Variants in GABBR2 observed in about 807,000 individuals in gnomAD.
The protein encoded by GABBR2 is G-protein coupled receptor 51.
GABBR2 carries 23 observed loss-of-function variants against 105.6 expected under a neutral mutation model. The observed-to-expected ratio is 0.22, with a 90% CI of 0.16 to 0.31. The LOEUF is 0.31. Among genes scored for constraint, GABBR2 ranks in the 10% least tolerant of loss-of-function variants. The pLI is 1.00. For missense variants in GABBR2, 734 were observed against 1,245.5 expected (o/e 0.59, Z 6.18); for synonymous variants, 478 against 499.7 (o/e 0.96, Z 0.58).
In GABBR2 at chr9:98,369,044, C is replaced by T. The variant is rs962107409; in HGVS notation, c.1770+2420G>A. Among the ~76,000 whole-genome samples, 8 of 152,256 alleles carry T rather than the reference C, an allele frequency of 5.3e-5. 1 individual carries two copies. The highest frequency in any genetic ancestry group is 2.6e-4 in the Admixed American group (4 of 15,286). ...AGGGAAAGCTGAAAAACTACTGATG[C>T]TCAGCTCCAGCCCCAAAGCCCTCAT... On this transcript the variant is annotated intron_variant, in intron 12 of 18. Transcript: ENST00000259455.
intron 8 of GABBR2, among the ~76,000 whole-genome samples, chr9:98,401,273 G>A (rs1489760414): frequency 2.6e-5 from 4 of 152,206 alleles, no homozygotes; most frequent in Non-Finnish European, 5.9e-5. Context: ...GATCAGGCAT[G>A]TCTGCTTCAA....
chr9:98,546,120 T>TA (rs1828395890), intron 2 of GABBR2, among the ~76,000 whole-genome samples: 1 of 152,212 alleles, frequency 6.6e-6, no homozygotes, highest in African/African-American at 2.4e-5. Flanking sequence ...TGGAATTTAT[T>TA]GAGATTTTCT....
intron 3 of GABBR2, among the ~76,000 whole-genome samples, chr9:98,511,854 C>T (rs1007329344): frequency 1.2e-4 from 18 of 152,194 alleles, no homozygotes; most frequent in African/African-American, 4.3e-4. Flanking sequence ...ACCATTCCTT[C>T]TAAAACTATT....
At chr9:98,344,382 G>A (rs755463795) in intron 13 of GABBR2, among the ~76,000 whole-genome samples, 1 of 151,910 alleles carries the variant, frequency 6.6e-6, no homozygotes, top group Non-Finnish European at 1.5e-5. Context: ...TAACATATTT[G>A]GCAGGTTTAT....
chr9:98,296,108 T>C (rs752772568), intron 17 of GABBR2, among the ~76,000 whole-genome samples: 1 of 152,206 alleles, frequency 6.6e-6, no homozygotes, highest in Non-Finnish European at 1.5e-5. Context: ...AATGTGATAG[T>C]GTAAGAGGTG....
At chr9:98,326,082 A>T (rs1830917547) in intron 13 of GABBR2, among the ~76,000 whole-genome samples, 1 of 152,206 alleles carries the variant, frequency 6.6e-6, no homozygotes, top group African/African-American at 2.4e-5. Flanking sequence ...GACCTTAATG[A>T]TCTCACGACA....
chr9:98,422,526 G>A (rs903148776), intron 7 of GABBR2, among the ~76,000 whole-genome samples: 4 of 150,840 alleles, frequency 2.7e-5, no homozygotes, highest in Admixed American at 2.0e-4. Context: ...GTGTGTCTGT[G>A]TGTGTGTCTG....
At chr9:98,606,719 A>T (rs1829427868) in intron 1 of GABBR2, 1 of 238,678 alleles carries the variant, frequency 4.2e-6, no homozygotes, top group East Asian at 1.1e-4. Flanking sequence ...ACCTCAAGTG[A>T]TCCGCCCGCC....
chr9:98,496,167 T>C lies in GABBR2; in HGVS notation c.732+246A>G, dbSNP rs1827275489. On this transcript the variant is annotated intron_variant, in intron 4 of 18. Coordinates refer to ENST00000259455, the MANE Select transcript of GABBR2 (RefSeq NM_005458.8). ...TTGCCCCTGAGGCTGCGTTGAGAGATATAAAACCATCAGGAAAGTGCTCAG... is the reference window on the plus strand; with the variant it reads ...TTGCCCCTGAGGCTGCGTTGAGAGACATAAAACCATCAGGAAAGTGCTCAG... 4 of 534,022 alleles carry C rather than the reference T, an allele frequency of 7.5e-6. No homozygotes were observed. The South Asian group carries it at 8.8e-5, about 12-fold the overall frequency. The allele number at this position is 534,022 out of a possible 1,614,324, so 33.1% of individuals were successfully genotyped here.
At chr9:98,559,439 A>C (rs905006590) in intron 2 of GABBR2, among the ~76,000 whole-genome samples, 1 of 152,250 alleles carries the variant, frequency 6.6e-6, no homozygotes, top group Non-Finnish European at 1.5e-5. Context: ...TACAAACCAA[A>C]GAGAAAGTAT....
At chr9:98,392,146 C>T (rs1230155896) in intron 9 of GABBR2, among the ~76,000 whole-genome samples, 1 of 152,148 alleles carries the variant, frequency 6.6e-6, no homozygotes, top group Non-Finnish European at 1.5e-5. Flanking sequence ...AGCCTGGGGG[C>T]AGAGCCCGGG....
intron 1 of GABBR2, among the ~76,000 whole-genome samples, chr9:98,626,305 T>C (rs1428009056): frequency 2.0e-5 from 3 of 152,224 alleles, no homozygotes; most frequent in African/African-American, 7.2e-5. Context: ...GTGATTAAAA[T>C]GTTCTAAACA....
rs939018102 is a variant in GABBR2 at position 98,444,879 on chromosome 9, G to GCGCGCACACACA, written c.1236+9101_1236+9102insTGTGTGTGCGCG. Among the ~76,000 whole-genome samples, 45 of 151,046 alleles carry GCGCGCACACACA rather than the reference G, an allele frequency of 3.0e-4. No individual in the cohort carries two copies. In the East Asian group the frequency reaches 5.3e-3, roughly 18 times the overall value. Reference sequence around the variant, plus strand: ...CATGCATATGCACATGCGCGCGCGCGCACACACACACACACACACACGCAC... The same window carrying GCGCGCACACACA: ...CATGCATATGCACATGCGCGCGCGCGCGCGCACACACACACACACACACACACACACACGCAC... On this transcript the variant is annotated intron_variant, in intron 7 of 18. Coordinates refer to ENST00000259455, the MANE Select transcript of GABBR2 (RefSeq NM_005458.8).
intron 3 of GABBR2, among the ~76,000 whole-genome samples, chr9:98,533,658 G>A (rs1828113215): frequency 6.6e-6 from 1 of 152,184 alleles, no homozygotes; most frequent in Non-Finnish European, 1.5e-5. Context: ...GTGGGTGAGA[G>A]ATGAGGAAGC....
intron 7 of GABBR2, among the ~76,000 whole-genome samples, chr9:98,417,909 A>G (rs1246322929): frequency 6.6e-6 from 1 of 152,114 alleles, no homozygotes; most frequent in Non-Finnish European, 1.5e-5. Context: ...AGGCAGAGGG[A>G]ACAGTGCATG....
chr9:98,677,358 G>T (rs1009277276), intron 1 of GABBR2, among the ~76,000 whole-genome samples: 1 of 152,194 alleles, frequency 6.6e-6, no homozygotes. Context: ...CTGGTCATTG[G>T]CTTTTCACAT....
chr9:98,292,854 G>A lies in GABBR2; in HGVS notation c.2660+931C>T, dbSNP rs1830322694. Among the ~76,000 whole-genome samples, 3 of 152,328 alleles carry A rather than the reference G, an allele frequency of 2.0e-5. No individual in the cohort carries two copies. In the South Asian group the frequency reaches 6.2e-4, roughly 32 times the overall value. On this transcript the variant is annotated intron_variant, in intron 18 of 18. Coordinates refer to ENST00000259455, the MANE Select transcript of GABBR2 (RefSeq NM_005458.8). ...TATTCACTGGCAGAACCTGTGTTCG[G>A]TGCAGGGGACACATGAAGGACTCAT...
chr9:98,470,694 C>A (rs1826656039), intron 6 of GABBR2, among the ~76,000 whole-genome samples: 2 of 152,114 alleles, frequency 1.3e-5, no homozygotes, highest in African/African-American at 4.8e-5. Flanking sequence ...AAGATAGAAT[C>A]CAACCTTGCA....
At chr9:98,575,089 C>T (rs112122400) in intron 2 of GABBR2, among the ~76,000 whole-genome samples, 1 of 12,884 alleles carries the variant, frequency 7.8e-5, no homozygotes, top group African/African-American at 5.7e-4. Context: ...ACACCACCAC[C>T]CCCCCCCAAA....
Sources: gnomAD v4.1 joint callset for allele counts (sites outside exome capture counted in the v4.1 genomes callset) on GRCh38, gnomAD v4.1.1 for gene constraint, MANE v1.5 for transcripts, NCBI Gene and HGNC (gene_info 2026-07-23, HGNC 2026-07-21) for gene names.